Variants in SPTB observed in about 807,000 individuals in gnomAD.
SPTB encodes the protein spectrin beta chain, erythrocytic.
Under a neutral mutation model 256.2 loss-of-function variants are expected in SPTB, and 45 were observed. The observed-to-expected ratio is 0.18, with a 90% CI of 0.14 to 0.23. SPTB has a LOEUF of 0.23. Ranked by LOEUF, SPTB falls within the 10% of genes least tolerant of loss-of-function variation. The pLI is 1.00. For synonymous variants in SPTB, 1,231 were observed against 1,243.1 expected (o/e 0.99, Z 0.21); for missense variants, 2,715 against 3,040.4 (o/e 0.89, Z 2.52).
chr14:64,766,662 A>T, intron 32 of SPTB, 64 bp downstream of exon 32: 1 of 1,613,074 alleles, frequency 6.2e-7, no homozygotes, highest in Non-Finnish European at 8.5e-7. Context: ...TGAGCCTAGT[A>T]GGGGTGAGAG....
At chr14:64,875,814 A>G (rs1034956474) in intron 1 of SPTB, among the ~76,000 whole-genome samples, 1 of 152,210 alleles carries the variant, frequency 6.6e-6, no homozygotes, top group Non-Finnish European at 1.5e-5. Flanking sequence ...TCATTATATA[A>G]TCAAATTTCT....
rs2082657170 is a variant in SPTB, at chr14:64,790,850, C to G, written c.2804+869G>C. ...CCAGGAACTCATGGGCAATTTCACCCCACACTGAAAGCACCCCCTCTCTAA... is the reference window on the plus strand; with the variant it reads ...CCAGGAACTCATGGGCAATTTCACCGCACACTGAAAGCACCCCCTCTCTAA... On this transcript the variant is annotated intron_variant, in intron 15 of 35. Transcript: ENST00000644917. This position sits in a 1 kb window ranked among gnomAD's most constrained non-coding sequence, Gnocchi z 4.8. Among the ~76,000 whole-genome samples, 1 of 152,204 alleles carries G rather than the reference C, an allele frequency of 6.6e-6. No individual in the cohort carries two copies. Among genetic ancestry groups the G allele is most frequent in the South Asian group, 2.1e-4 (1 of 4,836 alleles).
chr14:64,800,708 C>T (rs766256198), intron 8 of SPTB, 48 bp downstream of exon 8: 1 of 1,536,730 alleles, frequency 6.5e-7, no homozygotes, highest in Non-Finnish European at 9.0e-7. Flanking sequence ...CTGTCTGGAC[C>T]TGACAAACAG....
chr14:64,871,963 T>C (rs933591190), intron 1 of SPTB, among the ~76,000 whole-genome samples: 14 of 152,236 alleles, frequency 9.2e-5, no homozygotes, highest in African/African-American at 3.1e-4. Flanking sequence ...TTAATCTCCA[T>C]CACATAGTAT....
At chr14:64,836,678 T>C (rs2083527834) in intron 1 of SPTB, among the ~76,000 whole-genome samples, 1 of 152,142 alleles carries the variant, frequency 6.6e-6, no homozygotes, top group African/African-American at 2.4e-5. Flanking sequence ...CGAAACAAAC[T>C]TGACTTTGAC....
At chr14:64,819,462 C>T (rs2083249781) in intron 2 of SPTB, among the ~76,000 whole-genome samples, 3 of 152,186 alleles carry the variant, frequency 2.0e-5, no homozygotes, top group African/African-American at 7.2e-5. Flanking sequence ...ACCCATCATC[C>T]TTACGTTTCT....
chr14:64,779,920 G>T lies in SPTB; in HGVS notation c.4278C>A (p.Asp1426Glu), dbSNP rs780282298. Reference protein sequence around the residue: ...RMLAKLKRVEDQVNVRKEELG... With the variant: ...RMLAKLKRVEEQVNVRKEELG... ...GCTCCTCTTTTCGCACATTCACTTG[G>T]TCCTCCACTCGCTGAGACACAAGGG... The change falls in exon 21 of 36, where the codon GAC becomes GAA. Residue 1426 changes from aspartate to glutamate, a missense_variant. Asp to Glu is a conservative substitution (Grantham distance 45). Around this residue, in one of 4 missense-constraint regions of SPTB, gnomAD observed 2,239 missense variants for 2,384.4 expected, o/e 0.94. Transcript: ENST00000644917. This position sits in a 1 kb window ranked among gnomAD's most constrained non-coding sequence, Gnocchi z 4.2. 6 of 1,613,640 alleles carry T rather than the reference G, an allele frequency of 3.7e-6. No homozygotes were observed. Among genetic ancestry groups the T allele is most frequent in the African/African-American group, 1.3e-5 (1 of 74,862 alleles).
intron 1 of SPTB, among the ~76,000 whole-genome samples, chr14:64,878,036 G>T (rs1882909860): frequency 2.0e-5 from 3 of 152,170 alleles, no homozygotes; most frequent in Admixed American, 1.3e-4. Context: ...GAGTCCTTGG[G>T]TGCTTACAAT....
chr14:64,758,278 G>A lies in SPTB; in HGVS notation c.6346-4485C>T, dbSNP rs2082044167. Among the ~76,000 whole-genome samples the A allele has an allele frequency of 6.6e-6, 1 of 152,254 alleles. No homozygotes were observed. The highest frequency in any genetic ancestry group is 2.1e-4 in the South Asian group (1 of 4,834). Reference sequence around the variant, plus strand: ...TGCTCAGGACTGAGAAATGGGGAATGGGAATCTCAGCCACTGGCAGGCAAG... The same window carrying A: ...TGCTCAGGACTGAGAAATGGGGAATAGGAATCTCAGCCACTGGCAGGCAAG... On this transcript the variant is annotated intron_variant, in intron 32 of 35. Transcript: ENST00000644917. The surrounding 1 kb of genome is among the most constrained non-coding windows in gnomAD (Gnocchi z 4.6).
chr14:64,855,057 C>T (rs1204531842), intron 1 of SPTB, among the ~76,000 whole-genome samples: 1 of 152,196 alleles, frequency 6.6e-6, no homozygotes, highest in Non-Finnish European at 1.5e-5. Context: ...CACAACCACT[C>T]TGTGGTCAAA....
intron 33 of SPTB, among the ~76,000 whole-genome samples, chr14:64,750,789 T>G (rs1279745997): frequency 6.8e-6 from 1 of 147,816 alleles, no homozygotes; most frequent in Non-Finnish European, 1.5e-5. Flanking sequence ...AAAAAAAGTA[T>G]ATATGTAATA....
At position 64,795,684 on chromosome 14, in the gene SPTB, G is replaced by C; in HGVS notation, c.1342-45C>G. ...ACAGGCAGCTCAGTCAGACACCCAG[G>C]GGCTCATCCCCAAACTCAGGGACAG... On this transcript the variant is annotated intron_variant, in intron 11 of 35. Coordinates refer to ENST00000644917, the MANE Select transcript of SPTB (RefSeq NM_001355436.2). The surrounding 1 kb of genome is among the most constrained non-coding windows in gnomAD (Gnocchi z 6.5). 1 of 1,605,190 alleles carries C rather than the reference G, an allele frequency of 6.2e-7. No individual in the cohort carries two copies. Among genetic ancestry groups the C allele is most frequent in the Non-Finnish European group, 8.5e-7 (1 of 1,174,092 alleles).
chr14:64,761,636 G>A (rs769443565), intron 32 of SPTB, among the ~76,000 whole-genome samples: 1 of 152,188 alleles, frequency 6.6e-6, no homozygotes, highest in African/African-American at 2.4e-5. Context: ...GAATGGCAGT[G>A]TGCAGGGGAG....
chr14:64,822,423 G>A (rs978650834), intron 2 of SPTB, among the ~76,000 whole-genome samples: 4 of 99,974 alleles, frequency 4.0e-5, no homozygotes. Context: ...TTATGAACCT[G>A]CTAAGCAAAA....
rs1032294876 is a variant in SPTB, at chr14:64,764,332, G to A, written c.6345+2394C>T. 5.3e-5 allele frequency among the ~76,000 whole-genome samples: 8 copies of A among 152,240 alleles called. No homozygotes were observed. Among genetic ancestry groups the A allele is most frequent in the African/African-American group, 1.9e-4 (8 of 41,460 alleles). The stretch of plus-strand genomic sequence containing the variant: ...TGGGGTATTAGGCCCTCCCTCTGAG[G>A]TTCGTGGATCCCCATGAGAACTTAA... On this transcript the variant is annotated intron_variant, in intron 32 of 35. Coordinates refer to ENST00000644917, the MANE Select transcript of SPTB (RefSeq NM_001355436.2). The surrounding 1 kb of genome is among the most constrained non-coding windows in gnomAD (Gnocchi z 4.2).
At chr14:64,815,909 C>T (rs1351260708) in intron 2 of SPTB, among the ~76,000 whole-genome samples, 2 of 152,160 alleles carry the variant, frequency 1.3e-5, no homozygotes, top group South Asian at 2.1e-4. Context: ...GTGACTTGAT[C>T]GAGGTCCCCT....
At chr14:64,799,292 T>C (rs1351450092) in intron 9 of SPTB, among the ~76,000 whole-genome samples, 1 of 152,204 alleles carries the variant, frequency 6.6e-6, no homozygotes, top group Non-Finnish European at 1.5e-5. Context: ...CTAAGTGGTC[T>C]GTTGCTGAGC....
At position 64,764,633 on chromosome 14, in the gene SPTB, A is replaced by C. The variant is rs1442174238; in HGVS notation, c.6345+2093T>G. On this transcript the variant is annotated intron_variant, in intron 32 of 35. Transcript: ENST00000644917. This position sits in a 1 kb window ranked among gnomAD's most constrained non-coding sequence, Gnocchi z 4.2. ...GATGCACAAGTAATTACATTTGCAC[A>C]GACACAGATGACACAGACAGTGGAT... 1.3e-5 allele frequency among the ~76,000 whole-genome samples: 2 copies of C among 152,240 alleles called. No homozygotes were observed. The highest frequency in any genetic ancestry group is 2.4e-5 in the African/African-American group (1 of 41,468).
intron 1 of SPTB, among the ~76,000 whole-genome samples, chr14:64,858,443 T>C (rs1423070662): frequency 6.6e-6 from 1 of 151,922 alleles, no homozygotes; most frequent in Non-Finnish European, 1.5e-5. Flanking sequence ...CGAGCAGGTA[T>C]GAAATGAGAA....
Sources: allele counts gnomAD v4.1 joint callset (sites outside exome capture counted in the v4.1 genomes callset), GRCh38; gene constraint gnomAD v4.1.1; regional missense constraint gnomAD v4.1.1; non-coding constraint Gnocchi (gnomAD v3.1); transcripts MANE v1.5; gene names NCBI Gene and HGNC (gene_info 2026-07-23, HGNC 2026-07-21).